CCDC149: variants seen among roughly 807,000 people sequenced by gnomAD.
CCDC149 encodes coiled-coil domain-containing protein 149.
A neutral mutation model predicts 59.9 loss-of-function variants in CCDC149; 45 were observed. The ratio of observed to expected loss-of-function variants is 0.75; its 90% confidence interval spans 0.59 to 0.96. The LOEUF (loss-of-function observed/expected upper bound fraction) is 0.96. Ranked by LOEUF, CCDC149 falls within the 40% of genes least tolerant of loss-of-function variation. CCDC149 has a pLI of 0.00. For missense variants in CCDC149, 584 were observed against 664.7 expected, an observed-to-expected ratio of 0.88 and a Z score of 1.33; for synonymous variants, 245 against 260.6, an observed-to-expected ratio of 0.94 and a Z score of 0.58.
At chr4:24,835,784 T>C (rs1423363682) in intron 7 of CCDC149, among the ~76,000 whole-genome samples, 1 of 152,100 alleles carries the variant, frequency 6.6e-6, no homozygotes, top group Admixed American at 6.5e-5. Flanking sequence ...CTTCCAAGCA[T>C]CTAGACGGCT....
In CCDC149 at chr4:24,893,080, G is replaced by GTT. The variant is rs1383074371; in HGVS notation, c.64-16384_64-16383insAA. Among the ~76,000 whole-genome samples, 4 of 152,156 alleles carry GTT rather than the reference G, an allele frequency of 2.6e-5. No individual in the cohort carries two copies. The East Asian group carries it at 7.7e-4, about 29-fold the overall frequency. ...TTCCTGACCTAATGACCTCTTGAAT[G>GTT]TGCCATTTAGTAACACTGTCACGAT... On this transcript the variant is annotated intron_variant, in intron 1 of 12. Transcript: ENST00000635206.
chr4:24,859,889 A>C (rs189105890), intron 3 of CCDC149, among the ~76,000 whole-genome samples: 2 of 152,342 alleles, frequency 1.3e-5, no homozygotes, highest in African/African-American at 4.8e-5. Context: ...CGAACCAAGG[A>C]GATGAAAGAC....
intron 1 of CCDC149, among the ~76,000 whole-genome samples, chr4:24,931,987 C>G (rs917742633): frequency 4.6e-5 from 7 of 151,744 alleles, no homozygotes; most frequent in Non-Finnish European, 8.8e-5. Context: ...GTCCAACTTA[C>G]AGGTGAGAAA....
intron 1 of CCDC149, among the ~76,000 whole-genome samples, chr4:24,944,284 C>A (rs1723038843): frequency 6.6e-6 from 1 of 151,628 alleles, no homozygotes; most frequent in South Asian, 2.1e-4. Flanking sequence ...TCATTCTCAG[C>A]AAACTATCGC....
chr4:24,905,893 C>T (rs1184243693), intron 1 of CCDC149, among the ~76,000 whole-genome samples: 1 of 152,182 alleles, frequency 6.6e-6, no homozygotes, highest in Non-Finnish European at 1.5e-5. Context: ...TCCACTCATC[C>T]CTAATTAAAG....
At chr4:24,903,552 A>G (rs771993501) in intron 1 of CCDC149, among the ~76,000 whole-genome samples, 35 of 152,134 alleles carry the variant, frequency 2.3e-4, no homozygotes, top group Non-Finnish European at 4.0e-4. Context: ...TTGAATAACC[A>G]TTCACCTCCT....
At chr4:24,872,788 T>C (rs1330130836) in intron 3 of CCDC149, among the ~76,000 whole-genome samples, 2 of 151,594 alleles carry the variant, frequency 1.3e-5, no homozygotes, top group African/African-American at 2.4e-5. Context: ...CAGAATGGTA[T>C]GCACCCACAG....
chr4:24,913,586 A>G (rs1466606910), upstream of CCDC149, among the ~76,000 whole-genome samples: 2 of 152,374 alleles, frequency 1.3e-5, no homozygotes, highest in East Asian at 3.9e-4. Flanking sequence ...GCATTATTCA[A>G]TTCTAAATAG....
At chr4:24,939,744 G>A (rs536460635) in intron 1 of CCDC149, among the ~76,000 whole-genome samples, 7 of 152,296 alleles carry the variant, frequency 4.6e-5, no homozygotes, top group Admixed American at 6.5e-5. Context: ...ACTACGCGAC[G>A]AACGCACAAG....
chr4:24,928,208 TAAAG>T lies in CCDC149; in HGVS notation c.-64-33094_-64-33091del, dbSNP rs549498539. ...AAATTGTGGTAAGGATTTTAAGAGATAAAGAAGGAAAACACTATTCAGGGATTAC... is the reference window on the plus strand; with the variant it reads ...AAATTGTGGTAAGGATTTTAAGAGATAAGGAAAACACTATTCAGGGATTAC... On this transcript the variant is annotated intron_variant, in intron 1 of 12. Coordinates refer to the CCDC149 transcript ENST00000389609. Among the ~76,000 whole-genome samples, 176 of 152,304 alleles carry T rather than the reference TAAAG, an allele frequency of 1.2e-3. 1 individual carries two copies. Among genetic ancestry groups the T allele is most frequent in the African/African-American group, 3.8e-3 (156 of 41,566 alleles).
intron 2 of CCDC149, among the ~76,000 whole-genome samples, chr4:24,874,254 T>G (rs1281562783): frequency 5.8e-5 from 4 of 69,498 alleles, no homozygotes; most frequent in East Asian, 3.9e-4. Flanking sequence ...GTTTTTTTTT[T>G]TTTTTGTTTT....
intron 9 of CCDC149, chr4:24,829,947 G>A (rs973689416): frequency 6.6e-6 from 1 of 152,630 alleles, no homozygotes; most frequent in Non-Finnish European, 1.5e-5. Context: ...TGGGAGTTCA[G>A]GGCAAAGAGG....
intron 1 of CCDC149, among the ~76,000 whole-genome samples, chr4:24,965,165 T>C (rs1394927437): frequency 6.6e-6 from 1 of 151,208 alleles, no homozygotes; most frequent in African/African-American, 2.5e-5. Context: ...CATGGTACTA[T>C]ATTAGAAGCA....
At chr4:24,888,445 A>G (rs907481029) in intron 1 of CCDC149, among the ~76,000 whole-genome samples, 3 of 152,178 alleles carry the variant, frequency 2.0e-5, no homozygotes, top group Non-Finnish European at 4.4e-5. Flanking sequence ...GAATCATCAA[A>G]ATGACATTTG....
In CCDC149 at chr4:24,808,167, G is replaced by A. The variant is rs771602291; in HGVS notation, c.*222C>T. 2 of 386,820 alleles carry A rather than the reference G, an allele frequency of 5.2e-6. No individual in the cohort carries two copies. Among genetic ancestry groups the A allele is most frequent in the Non-Finnish European group, 4.6e-6 (1 of 219,328 alleles). The allele number at this position is 386,820 out of a possible 1,614,324, so 24.0% of individuals were successfully genotyped here. On this transcript the variant is annotated 3_prime_UTR_variant, in exon 13 of 13. Coordinates refer to ENST00000635206, the MANE Select transcript of CCDC149 (RefSeq NM_001330643.2). ...CTGTTCACAGTAGCACTCTCTGGCA[G>A]AAAAGAGATGACACTGAGAAGCTTG...
chr4:24,924,188 G>A (rs1033541378), intron 1 of CCDC149, among the ~76,000 whole-genome samples: 1 of 150,856 alleles, frequency 6.6e-6, no homozygotes, highest in Non-Finnish European at 1.5e-5. Flanking sequence ...GCACCACTCT[G>A]ACCCAAAAGA....
At chr4:24,809,817 C>T (rs949369130) in intron 12 of CCDC149, among the ~76,000 whole-genome samples, 12 of 152,212 alleles carry the variant, frequency 7.9e-5, no homozygotes, top group African/African-American at 2.9e-4. Flanking sequence ...TGTAGTGGGG[C>T]TTGCTATCAT....
chr4:24,849,269 G>A (rs554422637), intron 4 of CCDC149, among the ~76,000 whole-genome samples: 3 of 152,256 alleles, frequency 2.0e-5, no homozygotes, highest in Non-Finnish European at 4.4e-5. Context: ...AAAGCTTTTC[G>A]AGGGTAATGC....
intron 2 of CCDC149, among the ~76,000 whole-genome samples, chr4:24,875,176 AAAAATT>A (rs1719333862): frequency 6.6e-6 from 1 of 152,060 alleles, no homozygotes; most frequent in Non-Finnish European, 1.5e-5. Context: ...TAAAAATACA[AAAAATT>A]AGCCGAGCAT....
Sources: gnomAD v4.1 joint callset for allele counts (sites outside exome capture counted in the v4.1 genomes callset) on GRCh38, gnomAD v4.1.1 for gene constraint, MANE v1.5 for transcripts, NCBI Gene and HGNC (gene_info 2026-07-23, HGNC 2026-07-21) for gene names.